APH1B: variants seen among roughly 807,000 people sequenced by gnomAD.
APH1B encodes aph-1B gamma-secretase subunit, also known as gamma-secretase subunit APH-1B.
A neutral mutation model predicts 28.2 loss-of-function variants in APH1B; 27 were observed. That is an observed-to-expected ratio of 0.96 (90% CI 0.70 to 1.32). APH1B has a LOEUF of 1.32. Among genes scored for constraint, APH1B ranks in the 40% most tolerant of loss-of-function variants. The pLI, the probability that APH1B is intolerant of heterozygous loss-of-function variation, is 0.00. For synonymous variants in APH1B, 141 were observed against 124.6 expected, an observed-to-expected ratio of 1.13 and a Z score of -0.88; for missense variants, 305 against 313.6, an observed-to-expected ratio of 0.97 and a Z score of 0.21.
chr15:63,282,482 C>T (rs747937490), intron 2 of APH1B, among the ~76,000 whole-genome samples: 14 of 152,166 alleles, frequency 9.2e-5, no homozygotes, highest in Non-Finnish European at 2.1e-4. Flanking sequence ...CCTGGCAGAG[C>T]CTTGCATAAA....
At chr15:63,301,062 G>A (rs184516682) in intron 4 of APH1B, among the ~76,000 whole-genome samples, 315 of 152,336 alleles carry the variant, frequency 2.1e-3, no homozygotes, top group Admixed American at 3.5e-3. Flanking sequence ...CACCTGGAGG[G>A]CTGTTTAAAC....
intron 4 of APH1B, among the ~76,000 whole-genome samples, chr15:63,298,378 T>C (rs1553173): frequency 0.13 from 20,387 of 152,032 alleles, 1,813 homozygotes; most frequent in East Asian, 0.46. Context: ...GCCTGGCTAA[T>C]TTTTGTATTT....
intron 2 of APH1B, among the ~76,000 whole-genome samples, chr15:63,280,348 G>A (rs1020769376): frequency 6.6e-6 from 1 of 152,198 alleles, no homozygotes; most frequent in Non-Finnish European, 1.5e-5. Context: ...AGGCAGTCAT[G>A]AAATTGGCTT....
intron 5 of APH1B, among the ~76,000 whole-genome samples, chr15:63,305,146 C>G (rs2038673143): frequency 6.6e-6 from 1 of 152,194 alleles, no homozygotes; most frequent in Admixed American, 6.5e-5. Context: ...TACACAGTAC[C>G]TCTCAGCATT....
chr15:63,305,488 A>T, intron 5 of APH1B, 126 bp from the exon 6 acceptor site: 4 of 1,069,216 alleles, frequency 3.7e-6, no homozygotes, highest in Non-Finnish European at 5.4e-6. Context: ...CATGACACAC[A>T]TCATACGTTT....
In APH1B at chr15:63,287,494, G is replaced by T. The variant is rs1476960588; in HGVS notation, c.426G>T (p.Gly142=). The T allele has an allele frequency of 6.2e-7, 1 of 1,613,982 alleles. No individual in the cohort carries two copies. Among genetic ancestry groups the T allele is most frequent in the Admixed American group, 1.7e-5 (1 of 60,022 alleles). ...SFVNTLSDSL[G]PGTVGIHGDS... ...TGAATACCCTATCTGACTCCTTGGG[G>T]CCAGGCACAGTGGGCATTCATGGAG... The change falls in exon 4 of 6, where the codon GGG becomes GGT. Residue 142 remains glycine, a synonymous_variant. Transcript: ENST00000261879.
chr15:63,298,368 G>A (rs566537760), intron 4 of APH1B, among the ~76,000 whole-genome samples: 18 of 152,080 alleles, frequency 1.2e-4, no homozygotes, highest in Middle Eastern at 3.4e-3. Flanking sequence ...ACACTGCCAC[G>A]CCTGGCTAAT....
intron 4 of APH1B, among the ~76,000 whole-genome samples, chr15:63,289,495 A>C (rs1446231755): frequency 2.0e-5 from 3 of 152,216 alleles, no homozygotes; most frequent in African/African-American, 7.2e-5. Flanking sequence ...CAGATTAAGC[A>C]TTTTTAATCC....
At chr15:63,299,401 GT>G (rs1220586792) in intron 4 of APH1B, among the ~76,000 whole-genome samples, 2 of 151,954 alleles carry the variant, frequency 1.3e-5, no homozygotes, top group Non-Finnish European at 1.5e-5. Context: ...TTGTTGTTTT[GT>G]TTTTGTTTTG....
chr15:63,299,606 G>A (rs780080245), intron 4 of APH1B, among the ~76,000 whole-genome samples: 4 of 151,874 alleles, frequency 2.6e-5, no homozygotes, highest in Non-Finnish European at 2.9e-5. Context: ...GGGTTTTACC[G>A]TGTTAGCCAG....
At chr15:63,289,179 G>C (rs2038477852) in intron 4 of APH1B, among the ~76,000 whole-genome samples, 1 of 152,104 alleles carries the variant, frequency 6.6e-6, no homozygotes, top group Non-Finnish European at 1.5e-5. Context: ...TTATAAATTT[G>C]TATCTATAGA....
rs938906874 is a variant in APH1B, at chr15:63,307,874, A to T, written c.*2093A>T. 1.1e-4 allele frequency: 16 copies of T among 152,224 alleles called. No homozygotes were observed. The highest frequency in any genetic ancestry group is 3.1e-4 in the African/African-American group (13 of 41,462). The allele number at this position is 152,224 out of a possible 1,614,324, so 9.4% of individuals were successfully genotyped here. On this transcript the variant is annotated 3_prime_UTR_variant, in exon 6 of 6. Transcript: ENST00000261879. ...TCAGATGAGAAGAAAATTTTCTTTG[A>T]TGGTGAGACTGTTGTCTTAGTTCAG...
At chr15:63,295,437 T>C (rs1346588136) in intron 4 of APH1B, among the ~76,000 whole-genome samples, 1 of 152,216 alleles carries the variant, frequency 6.6e-6, no homozygotes, top group African/African-American at 2.4e-5. Flanking sequence ...TTTGTGACAG[T>C]AGCTGGTTGC....
At chr15:63,289,684 T>C (rs1210079483) in intron 4 of APH1B, among the ~76,000 whole-genome samples, 1 of 152,174 alleles carries the variant, frequency 6.6e-6, no homozygotes, top group African/African-American at 2.4e-5. Flanking sequence ...TCTGTGTGTA[T>C]CAGATATATA....
chr15:63,296,456 G>C (rs573984063), intron 4 of APH1B, among the ~76,000 whole-genome samples: 1 of 152,308 alleles, frequency 6.6e-6, no homozygotes, highest in South Asian at 2.1e-4. Flanking sequence ...GAAGCTAGGT[G>C]ATGGCAGTTT....
intron 1 of APH1B, 81 bp from the exon 2 acceptor site, chr15:63,279,080 G>GTT (rs35859954): frequency 0.015 from 13,878 of 933,680 alleles, no homozygotes; most frequent in East Asian, 0.043. Flanking sequence ...TCTCAAGCAG[G>GTT]TTTTTTTTTT....
chr15:63,279,194 G>A lies in APH1B; in HGVS notation c.147G>A (p.Ser49=), dbSNP rs148628468. ...TCTGGTTGGTGTCTCTACTGATTTC[G>A]TCCCTTGTTTGGTTCATGGCAAGAG... ...AFFWLVSLLI[S]SLVWFMARVI... Residue 49 remains serine (S), a synonymous_variant, in exon 2 of 6, where the codon TCG becomes TCA. Coordinates refer to ENST00000261879, the MANE Select transcript of APH1B (RefSeq NM_031301.4). The A allele has an allele frequency of 1.6e-5, 25 of 1,606,504 alleles. No individual in the cohort carries two copies. The highest frequency in any genetic ancestry group is 1.7e-4 in the Middle Eastern group (1 of 6,026).
In APH1B at chr15:63,304,754, G is replaced by GT. The variant is rs1249775390; in HGVS notation, c.607-854dup. On this transcript the variant is annotated intron_variant, in intron 5 of 5. Coordinates refer to ENST00000261879, the MANE Select transcript of APH1B (RefSeq NM_031301.4). The surrounding 1 kb of genome is among the most constrained non-coding windows in gnomAD (Gnocchi z 5.1). ...TGTAATTGTTTAAAAGAGGAAAAAT[G>GT]TTTTTTAAAGAAGAGAAGAACAATA... Among the ~76,000 whole-genome samples, 2 of 152,166 alleles carry GT rather than the reference G, an allele frequency of 1.3e-5. No individual in the cohort carries two copies. Among genetic ancestry groups the GT allele is most frequent in the Admixed American group, 6.5e-5 (1 of 15,282 alleles).
At chr15:63,281,560 AAC>A in intron 2 of APH1B, among the ~76,000 whole-genome samples, 1 of 152,070 alleles carries the variant, frequency 6.6e-6, no homozygotes, top group Non-Finnish European at 1.5e-5. Flanking sequence ...AACAAAAAAA[AAC>A]ACAATTTCTA....
Sources: allele counts gnomAD v4.1 joint callset (sites outside exome capture counted in the v4.1 genomes callset), GRCh38; gene constraint gnomAD v4.1.1; non-coding constraint Gnocchi (gnomAD v3.1); transcripts MANE v1.5; gene names NCBI Gene and HGNC (gene_info 2026-07-23, HGNC 2026-07-21).